The following CRPPA variants were observed in gnomAD, a reference collection of about 807,000 sequenced individuals.
CRPPA encodes D-ribitol-5-phosphate cytidylyltransferase.
Under a neutral mutation model 52.0 loss-of-function variants are expected in CRPPA, and 43 were observed. The observed-to-expected ratio is 0.83, with a 90% CI of 0.65 to 1.07. The LOEUF (loss-of-function observed/expected upper bound fraction) is 1.07. Among genes scored for constraint, CRPPA ranks in the 50% least tolerant of loss-of-function variants. The pLI is 0.00. For synonymous variants in CRPPA, 250 were observed against 203.5 expected, an observed-to-expected ratio of 1.23 and a Z score of -1.94; for missense variants, 629 against 551.7, an observed-to-expected ratio of 1.14 and a Z score of -1.40.
chr7:16,202,584 A>G (rs183812071), intron 9 of CRPPA, among the ~76,000 whole-genome samples: 15 of 152,268 alleles, frequency 9.9e-5, no homozygotes, highest in Admixed American at 2.6e-4. Context: ...GACAATTAGC[A>G]TGAATAAGTA....
chr7:16,246,979 C>G (rs949882624), intron 8 of CRPPA, among the ~76,000 whole-genome samples: 1 of 152,212 alleles, frequency 6.6e-6, no homozygotes, highest in African/African-American at 2.4e-5. Context: ...ACTTCTCTGT[C>G]CATAAAAGCC....
At chr7:16,306,776 A>G (rs938554061) in intron 4 of CRPPA, among the ~76,000 whole-genome samples, 5 of 152,156 alleles carry the variant, frequency 3.3e-5, no homozygotes, top group African/African-American at 1.2e-4. Context: ...CCTCATAAAT[A>G]TCACTGAGCC....
At chr7:16,176,363 C>T (rs1293477355) in intron 9 of CRPPA, among the ~76,000 whole-genome samples, 1 of 152,040 alleles carries the variant, frequency 6.6e-6, no homozygotes, top group Non-Finnish European at 1.5e-5. Context: ...AACTCTGACA[C>T]CAACCAAAGC....
At chr7:16,126,098 A>G (rs1258877485) in intron 9 of CRPPA, among the ~76,000 whole-genome samples, 1 of 152,180 alleles carries the variant, frequency 6.6e-6, no homozygotes, top group East Asian at 1.9e-4. Context: ...TACTGGGTTT[A>G]TTTAAGCTTT....
intron 2 of CRPPA, among the ~76,000 whole-genome samples, chr7:16,390,491 CTTAGTCTTCTTGAGTGT>C (rs1242525118): frequency 6.6e-6 from 1 of 152,120 alleles, no homozygotes; most frequent in African/African-American, 2.4e-5. Flanking sequence ...ATTAATAGTT[CTTAGTCTTCTTGAGTGT>C]TTGTTCACTT....
At chr7:16,313,067 G>C (rs895710633) in intron 3 of CRPPA, among the ~76,000 whole-genome samples, 1 of 151,818 alleles carries the variant, frequency 6.6e-6, no homozygotes, top group Non-Finnish European at 1.5e-5. Flanking sequence ...TATTGAATTA[G>C]GGTAATTCTA....
At chr7:16,295,437 C>T (rs1042280506) in intron 5 of CRPPA, among the ~76,000 whole-genome samples, 1 of 151,978 alleles carries the variant, frequency 6.6e-6, no homozygotes, top group Admixed American at 6.6e-5. Context: ...TTAATACACA[C>T]AACCATATAT....
intron 9 of CRPPA, among the ~76,000 whole-genome samples, chr7:16,164,202 C>A (rs1780991501): frequency 6.6e-6 from 1 of 152,096 alleles, no homozygotes; most frequent in East Asian, 1.9e-4. Flanking sequence ...AGGCTTTGTT[C>A]CTTACTTTTC....
At chr7:16,353,561 A>G (rs941644412) in intron 3 of CRPPA, among the ~76,000 whole-genome samples, 1 of 152,152 alleles carries the variant, frequency 6.6e-6, no homozygotes, top group Non-Finnish European at 1.5e-5. Flanking sequence ...TTTTAATTTA[A>G]TTTGTTGGCA....
intron 8 of CRPPA, among the ~76,000 whole-genome samples, chr7:16,251,958 T>C (rs931290122): frequency 6.6e-6 from 1 of 152,044 alleles, no homozygotes; most frequent in East Asian, 1.9e-4. Flanking sequence ...TTTGAAAAGA[T>C]TGAGAAAATA....
chr7:16,107,245 G>A lies in CRPPA; in HGVS notation c.1252-15446C>T, dbSNP rs73291846. On this transcript the variant is annotated intron_variant, in intron 9 of 9. Transcript: ENST00000407010. ...GGCTGAGAAATGACTTTCTGGGGAT[G>A]CATGCCAACACCCAAGGACAGAAAG... Among the ~76,000 whole-genome samples, 451 of 152,250 alleles carry A rather than the reference G, an allele frequency of 3.0e-3. 2 individuals are homozygous for A. Among genetic ancestry groups the A allele is most frequent in the African/African-American group, 0.011 (439 of 41,564 alleles).
At chr7:16,151,172 G>A (rs1434817435) in intron 9 of CRPPA, among the ~76,000 whole-genome samples, 1 of 152,168 alleles carries the variant, frequency 6.6e-6, no homozygotes, top group Non-Finnish European at 1.5e-5. Flanking sequence ...TGGGTACTAT[G>A]TACCTCAATG....
intron 5 of CRPPA, among the ~76,000 whole-genome samples, 174 bp from the exon 6 acceptor site, chr7:16,278,400 TA>T (rs1216428058): frequency 6.6e-6 from 1 of 152,202 alleles, no homozygotes; most frequent in Non-Finnish European, 1.5e-5. Flanking sequence ...TGATTCAGTT[TA>T]CTACCCAAGT....
rs1491461185 is a variant in CRPPA at position 16,342,798 on chromosome 7, T to TAGATAGATAG, written c.684+33293_684+33294insCTATCTATCT. 2.0e-3 allele frequency among the ~76,000 whole-genome samples: 200 copies of TAGATAGATAG among 101,230 alleles called. 35 individuals carry two copies. Among genetic ancestry groups the TAGATAGATAG allele is most frequent in the African/African-American group, 6.8e-3 (167 of 24,582 alleles). The allele number at this position is 101,230 out of a possible 152,430, so 66.4% of individuals were successfully genotyped here. A position where few individuals can be genotyped will look rare whatever the true frequency, so the allele number is the denominator to read the frequency against. ...AAAAAAAAAAATATATATATATATA[T>TAGATAGATAG]CTATATAGATATATAGATATACATA... is the stretch of plus-strand genomic sequence containing the variant. On this transcript the variant is annotated intron_variant, in intron 3 of 9. Coordinates refer to ENST00000407010, the MANE Select transcript of CRPPA (RefSeq NM_001101426.4).
chr7:16,314,462 G>C (rs1376880822), intron 3 of CRPPA, among the ~76,000 whole-genome samples: 6 of 151,976 alleles, frequency 3.9e-5, no homozygotes, highest in African/African-American at 1.4e-4. Flanking sequence ...TTTGAACAAA[G>C]TTACCTGTTA....
chr7:16,336,348 T>C (rs572736011), intron 3 of CRPPA, among the ~76,000 whole-genome samples: 94 of 152,106 alleles, frequency 6.2e-4, no homozygotes, highest in African/African-American at 2.0e-3. Flanking sequence ...AATTTTGACA[T>C]CAAAATAAGA....
intron 9 of CRPPA, among the ~76,000 whole-genome samples, chr7:16,140,103 G>T (rs537252766): frequency 1.3e-5 from 2 of 152,142 alleles, no homozygotes; most frequent in South Asian, 4.2e-4. Flanking sequence ...GAAAATGTAA[G>T]TACAATATTT....
chr7:16,094,637 A>T (rs1195389736), intron 9 of CRPPA, among the ~76,000 whole-genome samples: 1 of 152,048 alleles, frequency 6.6e-6, no homozygotes, highest in African/African-American at 2.4e-5. Context: ...TTATATAATA[A>T]ACATTTAAAA....
At chr7:16,155,600 CT>C (rs747525163) in intron 9 of CRPPA, among the ~76,000 whole-genome samples, 1 of 152,188 alleles carries the variant, frequency 6.6e-6, no homozygotes, top group Non-Finnish European at 1.5e-5. Context: ...CATATTTTCT[CT>C]TCCTTGTGAT....
Sources: allele counts gnomAD v4.1 joint callset (sites outside exome capture counted in the v4.1 genomes callset), GRCh38; gene constraint gnomAD v4.1.1; transcripts MANE v1.5; gene names NCBI Gene and HGNC (gene_info 2026-07-23, HGNC 2026-07-21).